The following ITSN2 variants were observed in gnomAD, a reference collection of about 807,000 sequenced individuals.
The protein encoded by ITSN2 is intersectin 2.
A neutral mutation model predicts 243.7 loss-of-function variants in ITSN2; 156 were observed. The ratio of observed to expected loss-of-function variants is 0.64; its 90% CI spans 0.56 to 0.73. The LOEUF is 0.73. ITSN2 is among the 30% of genes least tolerant of loss of function. The pLI is 0.00. For missense variants in ITSN2, 1,801 were observed against 1,996.1 expected, an observed-to-expected ratio of 0.90 and a Z score of 1.86; for synonymous variants, 703 against 699.9, an observed-to-expected ratio of 1.00 and a Z score of -0.07.
chr2:24,217,001 G>A (rs1395341900), intron 31 of ITSN2, among the ~76,000 whole-genome samples: 4 of 151,862 alleles, frequency 2.6e-5, no homozygotes, highest in South Asian at 4.1e-4. Context: ...GGAGAATGGC[G>A]TGAACCCGGG....
intron 1 of ITSN2, among the ~76,000 whole-genome samples, chr2:24,341,052 T>C (rs193078504): frequency 1.3e-5 from 2 of 152,282 alleles, no homozygotes; most frequent in Non-Finnish European, 2.9e-5. Context: ...AAAGGTAGAA[T>C]AGACAGGATT....
At chr2:24,257,233 T>TC (rs1294312690) in intron 23 of ITSN2, among the ~76,000 whole-genome samples, 1 of 151,958 alleles carries the variant, frequency 6.6e-6, no homozygotes, top group Non-Finnish European at 1.5e-5. Flanking sequence ...GGTGGGAGGA[T>TC]CGCTTAAGGC....
chr2:24,358,947 G>C (rs1411944500), intron 1 of ITSN2, among the ~76,000 whole-genome samples: 1 of 152,134 alleles, frequency 6.6e-6, no homozygotes. Context: ...GCATGGAAGG[G>C]TGAAAAAATG....
rs894676391 is a variant in ITSN2, at chr2:24,204,120, A to G, written c.4936+125T>C. The G allele has an allele frequency of 7.1e-5, 67 of 947,974 alleles. No homozygotes were observed. The highest frequency in any genetic ancestry group is 9.7e-5 in the Non-Finnish European group (60 of 618,580). The allele number at this position is 947,974 out of a possible 1,614,324, so 58.7% of individuals were successfully genotyped here. A position where few individuals can be genotyped will look rare whatever the true frequency, so the allele number is the denominator to read the frequency against. ...ACCCACCTGCTGCCAAAGCGAGATG[A>G]CACAGGCCTGTGTCACTTCCCTGAA... is the stretch of plus-strand genomic sequence containing the variant. On this transcript the variant is annotated intron_variant, in intron 39 of 39. Coordinates refer to ENST00000355123, the MANE Select transcript of ITSN2 (RefSeq NM_006277.3). This position sits in a 1 kb window ranked among gnomAD's most constrained non-coding sequence, Gnocchi z 5.1.
At chr2:24,259,883 T>C (rs559293332) in intron 22 of ITSN2, among the ~76,000 whole-genome samples, 119 of 152,314 alleles carry the variant, frequency 7.8e-4, no homozygotes, top group African/African-American at 2.8e-3. Context: ...ATGTCTGTCA[T>C]GTTCATTAGA....
chr2:24,251,238 T>A (rs1380967953), intron 25 of ITSN2, among the ~76,000 whole-genome samples: 1 of 144,366 alleles, frequency 6.9e-6, no homozygotes, highest in Non-Finnish European at 1.5e-5. Context: ...GGCACGAGAA[T>A]TGCTTGAACC....
chr2:24,238,562 T>C (rs766708153), intron 29 of ITSN2, among the ~76,000 whole-genome samples: 2 of 152,228 alleles, frequency 1.3e-5, no homozygotes, highest in Non-Finnish European at 2.9e-5. Flanking sequence ...AGTCTTACTC[T>C]ACATTTGCAA....
At chr2:24,283,002 A>G (rs1435407141) in intron 17 of ITSN2, among the ~76,000 whole-genome samples, 1 of 148,946 alleles carries the variant, frequency 6.7e-6, no homozygotes, top group Non-Finnish European at 1.5e-5. Context: ...TATTTCCTTC[A>G]AGTCTTTCTT....
chr2:24,285,427 T>C (rs141710897), intron 16 of ITSN2, among the ~76,000 whole-genome samples: 177 of 152,328 alleles, frequency 1.2e-3, no homozygotes, highest in African/African-American at 4.1e-3. Context: ...TTATTCTAAA[T>C]AAGTCAGCAT....
At chr2:24,360,277 T>G (rs976805241) in intron 1 of ITSN2, 27 bp downstream of exon 1, 1 of 152,364 alleles carries the variant, frequency 6.6e-6, no homozygotes, top group Non-Finnish European at 1.5e-5. Context: ...CGCGCCTTGC[T>G]GCAGCCCCGC....
intron 19 of ITSN2, among the ~76,000 whole-genome samples, chr2:24,271,516 T>C (rs1038145818): frequency 6.6e-6 from 1 of 152,226 alleles, no homozygotes; most frequent in African/African-American, 2.4e-5. Flanking sequence ...GAAAACCATG[T>C]CTGAGTCTTT....
At chr2:24,252,851 T>A (rs1462246462) in intron 24 of ITSN2, among the ~76,000 whole-genome samples, 2 of 152,222 alleles carry the variant, frequency 1.3e-5, no homozygotes, top group African/African-American at 2.4e-5. Flanking sequence ...GTCACTCAGT[T>A]ATTCAGATAA....
intron 29 of ITSN2, chr2:24,241,896 G>A (rs1672771790): frequency 6.6e-6 from 1 of 152,320 alleles, no homozygotes; most frequent in African/African-American, 2.4e-5. Context: ...ACCACATAAG[G>A]GCAAACTCAA....
At chr2:24,261,522 G>A in intron 21 of ITSN2, 39 bp downstream of exon 21, 1 of 1,447,414 alleles carries the variant, frequency 6.9e-7, no homozygotes, top group South Asian at 1.2e-5. Context: ...TTACACATTT[G>A]CAGATCTATA....
chr2:24,279,371 G>A (rs1358102478), intron 17 of ITSN2, among the ~76,000 whole-genome samples: 1 of 152,124 alleles, frequency 6.6e-6, no homozygotes, highest in African/African-American at 2.4e-5. Context: ...AGTCAACACT[G>A]GTTGACTTTC....
chr2:24,255,492 G>T (rs1252400567), intron 23 of ITSN2, among the ~76,000 whole-genome samples: 1 of 151,348 alleles, frequency 6.6e-6, no homozygotes, highest in Non-Finnish European at 1.5e-5. Context: ...GCCCGGTGTG[G>T]TGGTGCATTC....
intron 1 of ITSN2, among the ~76,000 whole-genome samples, chr2:24,331,515 G>C (rs1685781749): frequency 6.6e-6 from 1 of 152,196 alleles, no homozygotes; most frequent in Non-Finnish European, 1.5e-5. Flanking sequence ...AGTTTTGAGA[G>C]AGTTCCTCTT....
chr2:24,227,706 A>C (rs1671180156), intron 29 of ITSN2, among the ~76,000 whole-genome samples: 1 of 152,080 alleles, frequency 6.6e-6, no homozygotes. Flanking sequence ...GGATCACCTG[A>C]GGTCAAGAGT....
chr2:24,348,465 C>T (rs1160287332), intron 1 of ITSN2, among the ~76,000 whole-genome samples: 3 of 152,170 alleles, frequency 2.0e-5, no homozygotes, highest in Admixed American at 6.5e-5. Context: ...GCTAGGATTA[C>T]AGGCATGAGC....
Sources: gnomAD v4.1 joint callset for allele counts (sites outside exome capture counted in the v4.1 genomes callset) on GRCh38, gnomAD v4.1.1 for gene constraint, Gnocchi (gnomAD v3.1) non-coding constraint, MANE v1.5 for transcripts, NCBI Gene and HGNC (gene_info 2026-07-23, HGNC 2026-07-21) for gene names.